VCAN: variants seen among roughly 807,000 people sequenced by gnomAD.
VCAN encodes versican core protein.
In VCAN, 44 loss-of-function variants were observed where a neutral mutation model predicts 245.5. The ratio of observed to expected loss-of-function variants is 0.18; its 90% confidence interval spans 0.14 to 0.23. VCAN has a LOEUF of 0.23. Among genes scored for constraint, VCAN ranks in the 10% least tolerant of loss-of-function variants. VCAN has a pLI of 1.00. For missense variants in VCAN, 3,793 were observed against 4,057.9 expected (o/e 0.93, Z 1.77); for synonymous variants, 1,413 against 1,437.0 (o/e 0.98, Z 0.38).
At chr5:83,550,952 A>G (rs1452695123) in intron 10 of VCAN, among the ~76,000 whole-genome samples, 4 of 140,448 alleles carry the variant, frequency 2.8e-5, no homozygotes, top group African/African-American at 7.8e-5. Context: ...TTTTTTTTAC[A>G]CAAAAACCAC....
chr5:83,475,195 T>TTAGCGGGGACC (rs1208665261), intron 1 of VCAN, among the ~76,000 whole-genome samples: 1 of 152,156 alleles, frequency 6.6e-6, no homozygotes, highest in Non-Finnish European at 1.5e-5. Flanking sequence ...ATGAGGAACC[T>TTAGCGGGGACC]TAGCGGGGAC....
intron 7 of VCAN, among the ~76,000 whole-genome samples, chr5:83,533,313 C>G (rs1370725355): frequency 6.6e-6 from 1 of 152,054 alleles, no homozygotes; most frequent in Non-Finnish European, 1.5e-5. Context: ...ATGATTAGTA[C>G]ATTTGCAATA....
At chr5:83,545,509 G>A (rs748074683) in intron 8 of VCAN, 28 bp from the exon 9 acceptor site, 1 of 1,592,128 alleles carries the variant, frequency 6.3e-7, no homozygotes, top group Non-Finnish European at 8.6e-7. Flanking sequence ...GAGCCTAACT[G>A]CTTTTCTTAC....
At chr5:83,519,123 A>G (rs1745970378) in intron 6 of VCAN, among the ~76,000 whole-genome samples, 1 of 152,226 alleles carries the variant, frequency 6.6e-6, no homozygotes, top group African/African-American at 2.4e-5. Context: ...AAGCAGTGAT[A>G]ACCCTTATAA....
intron 1 of VCAN, among the ~76,000 whole-genome samples, chr5:83,474,069 A>G (rs533035603): frequency 8.0e-4 from 122 of 152,178 alleles, no homozygotes; most frequent in African/African-American, 1.9e-3. Flanking sequence ...GATAATACAC[A>G]TACCGTGCTC....
At chr5:83,554,838 T>A (rs1580062454) in intron 11 of VCAN, 118 bp from the exon 12 acceptor site, 1 of 948,042 alleles carries the variant, frequency 1.1e-6, no homozygotes, top group Non-Finnish European at 1.7e-6. Context: ...AGCAACTAAA[T>A]AAAAATCCAG....
chr5:83,519,353 A>G lies in VCAN; in HGVS notation c.1047A>G (p.Lys349=), dbSNP rs1410561392. The G allele has an allele frequency of 1.2e-6, 2 of 1,613,728 alleles. No individual in the cohort carries two copies. Among genetic ancestry groups the G allele is most frequent in the South Asian group, 1.1e-5 (1 of 91,008 alleles). The change falls in exon 7 of 15, where the codon AAA becomes AAG. Residue 349 remains lysine (K), a synonymous_variant. Coordinates refer to ENST00000265077, the MANE Select transcript of VCAN (RefSeq NM_004385.5). ...TCTTTGAAATTATTTTTCTAGCTAAAGAGGCTACAACCATCGATTTGAGTA... is the reference window on the plus strand; with the variant it reads ...TCTTTGAAATTATTTTTCTAGCTAAGGAGGCTACAACCATCGATTTGAGTA... ...SRFDAYCFKP[K]EATTIDLSIL...
chr5:83,572,708 C>G (rs1258559169), intron 13 of VCAN, 148 bp downstream of exon 13: 11 of 1,099,440 alleles, frequency 1.0e-5, no homozygotes, highest in Non-Finnish European at 1.5e-5. Flanking sequence ...ATATTTCACT[C>G]TTCCAAAACA....
At chr5:83,542,415 T>A in intron 8 of VCAN, 147 bp downstream of exon 8, 1 of 866,940 alleles carries the variant, frequency 1.2e-6, no homozygotes, top group Non-Finnish European at 1.8e-6. Context: ...GCCACAGTAT[T>A]GAGTTCATAA....
intron 5 of VCAN, among the ~76,000 whole-genome samples, chr5:83,511,210 C>T (rs779203873): frequency 6.6e-6 from 1 of 150,952 alleles, no homozygotes; most frequent in Non-Finnish European, 1.5e-5. Flanking sequence ...GGTGCAATCT[C>T]AGCTCACTGC....
chr5:83,484,230 A>G (rs1386612593), intron 2 of VCAN, among the ~76,000 whole-genome samples: 3 of 152,156 alleles, frequency 2.0e-5, no homozygotes, highest in African/African-American at 7.2e-5. Flanking sequence ...TCACACTTAT[A>G]TTATGCATCA....
At chr5:83,532,176 T>C (rs1746547359) in intron 7 of VCAN, among the ~76,000 whole-genome samples, 1 of 152,084 alleles carries the variant, frequency 6.6e-6, no homozygotes, top group African/African-American at 2.4e-5. Context: ...CCCCTTACTA[T>C]ACACCGCAAA....
intron 5 of VCAN, among the ~76,000 whole-genome samples, chr5:83,509,150 TTAATC>T (rs1745573299): frequency 6.6e-6 from 1 of 151,884 alleles, no homozygotes; most frequent in Non-Finnish European, 1.5e-5. Flanking sequence ...ATAACAGAAT[TTAATC>T]AAAGTAGTAA....
intron 2 of VCAN, among the ~76,000 whole-genome samples, chr5:83,489,170 G>T (rs2112351516): frequency 6.6e-6 from 1 of 150,626 alleles, no homozygotes; most frequent in Non-Finnish European, 1.5e-5. Context: ...CTATTAACTT[G>T]TTGACCATAT....
At chr5:83,476,505 C>T (rs541253704) in intron 1 of VCAN, among the ~76,000 whole-genome samples, 85 of 152,262 alleles carry the variant, frequency 5.6e-4, no homozygotes, top group Non-Finnish European at 1.0e-3. Flanking sequence ...CTGATTGTTA[C>T]ATAGGTCTGT....
intron 5 of VCAN, among the ~76,000 whole-genome samples, chr5:83,501,463 G>T (rs1473831263): frequency 1.3e-5 from 2 of 152,072 alleles, no homozygotes; most frequent in African/African-American, 4.8e-5. Flanking sequence ...GATCCATTTG[G>T]AGTTAGCTTT....
At chr5:83,563,720 T>C (rs766482120) in intron 12 of VCAN, among the ~76,000 whole-genome samples, 5 of 152,098 alleles carry the variant, frequency 3.3e-5, no homozygotes, top group Admixed American at 6.6e-5. Context: ...GCAGTGGCAA[T>C]ATGGGCCCCA....
At chr5:83,493,206 T>C (rs1198301296) in intron 3 of VCAN, among the ~76,000 whole-genome samples, 1 of 152,222 alleles carries the variant, frequency 6.6e-6, no homozygotes, top group African/African-American at 2.4e-5. Context: ...TTCTGCAGAA[T>C]CTACTCCCTT....
chr5:83,549,384 T>G (rs1747370434), intron 10 of VCAN, among the ~76,000 whole-genome samples: 1 of 152,154 alleles, frequency 6.6e-6, no homozygotes. Context: ...TTCATTTGGT[T>G]GGCATAGCAT....
Sources: gnomAD v4.1 joint callset for allele counts (sites outside exome capture counted in the v4.1 genomes callset) on GRCh38, gnomAD v4.1.1 for gene constraint, MANE v1.5 for transcripts, NCBI Gene and HGNC (gene_info 2026-07-23, HGNC 2026-07-21) for gene names.